Variants in RASAL2 observed in about 807,000 individuals in gnomAD.
RASAL2 encodes RAS protein activator like 2.
A neutral mutation model predicts 128.9 loss-of-function variants in RASAL2; 58 were observed. The ratio of observed to expected loss-of-function variants is 0.45; its 90% CI spans 0.36 to 0.56. The LOEUF is 0.56. RASAL2 is among the 20% of genes least tolerant of loss of function. The probability of loss-of-function intolerance (pLI) is 0.00; values close to 1 mark genes in which losing one functional copy is unlikely to be tolerated. For missense variants in RASAL2, 1,360 were observed against 1,601.6 expected, an observed-to-expected ratio of 0.85 and a Z score of 2.57; for synonymous variants, 561 against 580.8, an observed-to-expected ratio of 0.97 and a Z score of 0.49.
chr1:178,349,604 G>A lies in RASAL2; in HGVS notation c.458-40496G>A, dbSNP rs114188358. 6.3e-3 allele frequency among the ~76,000 whole-genome samples: 950 copies of A among 151,906 alleles called. 7 individuals carry two copies. The highest frequency in any genetic ancestry group is 0.022 in the African/African-American group (909 of 41,470). On this transcript the variant is annotated intron_variant, in intron 3 of 17. Coordinates refer to ENST00000367649, the MANE Select transcript of RASAL2 (RefSeq NM_170692.4). ...GGCTTTCTAAAGCTCTGAGCTTACT[G>A]TATAAAAACACTAATCTAGTCATAC...
chr1:178,263,232 C>T (rs896566761), intron 1 of RASAL2, among the ~76,000 whole-genome samples: 1 of 151,962 alleles, frequency 6.6e-6, no homozygotes, highest in African/African-American at 2.4e-5. Context: ...ACAAATGAAC[C>T]CATTGTTTCA....
chr1:178,445,726 C>T (rs1676952986), intron 9 of RASAL2, 64 bp downstream of exon 9: 1 of 1,483,218 alleles, frequency 6.7e-7, no homozygotes, highest in Non-Finnish European at 9.1e-7. Flanking sequence ...ATTTCACCCC[C>T]ATGAGACGAA....
At chr1:178,322,954 CT>C (rs1286207983) in intron 3 of RASAL2, among the ~76,000 whole-genome samples, 1 of 152,176 alleles carries the variant, frequency 6.6e-6, no homozygotes, top group Non-Finnish European at 1.5e-5. Flanking sequence ...TACACATGGG[CT>C]TTTGTTCACA....
At chr1:178,209,782 C>T (rs908964573) in intron 1 of RASAL2, among the ~76,000 whole-genome samples, 1 of 151,930 alleles carries the variant, frequency 6.6e-6, no homozygotes, top group Non-Finnish European at 1.5e-5. Context: ...ATATACAGAT[C>T]AGTCTCCTAG....
intron 3 of RASAL2, among the ~76,000 whole-genome samples, chr1:178,353,477 G>A (rs1670631104): frequency 6.6e-6 from 1 of 152,136 alleles, no homozygotes; most frequent in South Asian, 2.1e-4. Flanking sequence ...TCTTCAGCCT[G>A]GACTTCACTG....
chr1:178,390,755 G>GT (rs1672855491), intron 4 of RASAL2, among the ~76,000 whole-genome samples: 1 of 152,172 alleles, frequency 6.6e-6, no homozygotes, highest in African/African-American at 2.4e-5. Flanking sequence ...AACAAAATAT[G>GT]TAACTACATT....
intron 3 of RASAL2, among the ~76,000 whole-genome samples, chr1:178,376,833 C>G (rs1486385599): frequency 1.3e-5 from 2 of 152,000 alleles, no homozygotes; most frequent in East Asian, 3.9e-4. Context: ...ATCCAGATAC[C>G]CAAAAATTTG....
At chr1:178,155,418 T>G (rs1397574583) in intron 1 of RASAL2, among the ~76,000 whole-genome samples, 1 of 151,428 alleles carries the variant, frequency 6.6e-6, no homozygotes, top group Non-Finnish European at 1.5e-5. Context: ...AGTTTTTTTT[T>G]TTACCCCTGA....
rs78218240 is a variant in RASAL2 at position 178,449,206 on chromosome 1, G to A, written c.1628-2365G>A. On this transcript the variant is annotated intron_variant, in intron 9 of 17. Coordinates refer to ENST00000367649, the MANE Select transcript of RASAL2 (RefSeq NM_170692.4). ...AGCCAGTCCTTATCTTAATTAAAGC[G>A]TCACTCTTTCTGCACAGACTCTGCA... Among the ~76,000 whole-genome samples, 326 of 152,154 alleles carry A rather than the reference G, an allele frequency of 2.1e-3. 3 individuals are homozygous for A. Among genetic ancestry groups the A allele is most frequent in the African/African-American group, 7.2e-3 (301 of 41,536 alleles).
intron 1 of RASAL2, among the ~76,000 whole-genome samples, chr1:178,141,561 C>T (rs948369698): frequency 5.3e-5 from 8 of 152,052 alleles, no homozygotes; most frequent in African/African-American, 1.9e-4. Context: ...CCCCTCTCAA[C>T]AGGAAAACCC....
At chr1:178,256,756 C>G (rs1192630666) in intron 1 of RASAL2, among the ~76,000 whole-genome samples, 1 of 152,138 alleles carries the variant, frequency 6.6e-6, no homozygotes, top group Non-Finnish European at 1.5e-5. Context: ...TCATTGCAAC[C>G]TCCGCCTCCT....
chr1:178,394,344 T>C (rs1673086082), intron 4 of RASAL2, among the ~76,000 whole-genome samples: 7 of 152,184 alleles, frequency 4.6e-5, no homozygotes, highest in Admixed American at 4.6e-4. Flanking sequence ...TGAGGAACAA[T>C]TGAATAAATA....
intron 1 of RASAL2, among the ~76,000 whole-genome samples, chr1:178,134,570 C>T (rs1215076913): frequency 2.0e-5 from 3 of 151,872 alleles, no homozygotes; most frequent in Admixed American, 6.6e-5. Flanking sequence ...TGCAGGAGAC[C>T]GATGATTAAC....
At chr1:178,121,579 G>A (rs940461658) in intron 1 of RASAL2, among the ~76,000 whole-genome samples, 52 of 151,710 alleles carry the variant, frequency 3.4e-4, no homozygotes, top group African/African-American at 1.2e-3. Context: ...TCCATCTCCC[G>A]GGTTCAGGTG....
Position 178,207,734 on chromosome 1 carries a change from C to T in RASAL2, c.203-75830C>T, listed in dbSNP as rs1345711707. Among the ~76,000 whole-genome samples the T allele has an allele frequency of 3.3e-5, 5 of 152,100 alleles. No homozygotes were observed. The South Asian group carries it at 8.3e-4, about 25-fold the overall frequency. On this transcript the variant is annotated intron_variant, in intron 1 of 17. Coordinates refer to ENST00000367649, the MANE Select transcript of RASAL2 (RefSeq NM_170692.4). Reference sequence around the variant, plus strand: ...AATAAAAAACAGTCCTCTCCCCACCCCCCACACACATAAGTAACATGATAA... The same window carrying T: ...AATAAAAAACAGTCCTCTCCCCACCTCCCACACACATAAGTAACATGATAA...
At chr1:178,263,498 C>T (rs1444907975) in intron 1 of RASAL2, among the ~76,000 whole-genome samples, 1 of 152,162 alleles carries the variant, frequency 6.6e-6, no homozygotes, top group Non-Finnish European at 1.5e-5. Flanking sequence ...AGTCTGTGCT[C>T]TTAACCACTT....
chr1:178,350,190 G>A (rs527987168), intron 3 of RASAL2, among the ~76,000 whole-genome samples: 99 of 152,244 alleles, frequency 6.5e-4, no homozygotes, highest in African/African-American at 2.3e-3. Flanking sequence ...AGTGAAAACA[G>A]CATTCATTTA....
intron 2 of RASAL2, among the ~76,000 whole-genome samples, chr1:178,284,515 G>A (rs1344607647): frequency 6.6e-6 from 1 of 152,162 alleles, no homozygotes; most frequent in African/African-American, 2.4e-5. Context: ...AACCAGGACA[G>A]GCATCTAGTT....
intron 4 of RASAL2, among the ~76,000 whole-genome samples, chr1:178,407,320 C>G (rs1483531686): frequency 6.6e-6 from 1 of 152,118 alleles, no homozygotes; most frequent in Non-Finnish European, 1.5e-5. Flanking sequence ...TTAGTCTTCT[C>G]CTTTTTCCTT....
Sources: allele counts gnomAD v4.1 joint callset (sites outside exome capture counted in the v4.1 genomes callset), GRCh38; gene constraint gnomAD v4.1.1; transcripts MANE v1.5; gene names NCBI Gene and HGNC (gene_info 2026-07-23, HGNC 2026-07-21).